The following RRP15 variants were observed in gnomAD, a reference collection of about 807,000 sequenced individuals.
RRP15 encodes the protein RRP15-like protein.
In RRP15, 18 loss-of-function variants were observed where a neutral mutation model predicts 27.1. The ratio of observed to expected loss-of-function variants is 0.66; its 90% confidence interval spans 0.46 to 0.98. The LOEUF is 0.98. RRP15 is among the 50% of genes least tolerant of loss of function. The pLI, the probability that RRP15 is intolerant of heterozygous loss-of-function variation, is 0.00. For synonymous variants in RRP15, 107 were observed against 109.4 expected (o/e 0.98, Z 0.14); for missense variants, 359 against 337.8 (o/e 1.06, Z -0.49).
At chr1:218,301,981 G>T in intron 1 of RRP15, 1 of 287,404 alleles carries the variant, frequency 3.5e-6, no homozygotes, top group South Asian at 9.2e-5. Flanking sequence ...CCAACTCCAT[G>T]CCAACATCTG....
chr1:218,291,413 C>A (rs1558200788), intron 1 of RRP15, among the ~76,000 whole-genome samples: 1 of 151,262 alleles, frequency 6.6e-6, no homozygotes, highest in Admixed American at 6.6e-5. Context: ...CCACTGCACT[C>A]CAGCCTGGCT....
At chr1:218,316,873 C>CA (rs1297320241) in intron 4 of RRP15, among the ~76,000 whole-genome samples, 1 of 152,032 alleles carries the variant, frequency 6.6e-6, no homozygotes, top group African/African-American at 2.4e-5. Flanking sequence ...TTGAATAATC[C>CA]AAAAACCTTC....
In RRP15 at chr1:218,331,009, G is replaced by C; in HGVS notation, c.767G>C (p.Gly256Ala). ...WTILRDDFMM[G>A]ASMKDWDKES... is the part of the protein sequence containing the mutation. ...ATCCTACGTGATGATTTCATGATGG[G>C]AGCATCTATGAAAGACTGGGACAAG... The change falls in exon 5 of 5, where the codon GGA becomes GCA. Residue 256 changes from glycine (G) to alanine (A), a missense_variant. By Grantham distance (60) the Gly-to-Ala change is moderately conservative. Transcript: ENST00000366932. 6.2e-7 allele frequency: 1 copy of C among 1,613,496 alleles called. No homozygotes were observed. Among genetic ancestry groups the C allele is most frequent in the Non-Finnish European group, 8.5e-7 (1 of 1,179,508 alleles).
rs2102495577 is a variant in RRP15 at position 218,298,203 on chromosome 1, TCTTA to T, written c.140-4087_140-4084del. Among the ~76,000 whole-genome samples, 3 of 152,258 alleles carry T rather than the reference TCTTA, an allele frequency of 2.0e-5. No homozygotes were observed. The South Asian group carries it at 6.2e-4, about 32-fold the overall frequency. On this transcript the variant is annotated intron_variant, in intron 1 of 4. Coordinates refer to ENST00000366932, the MANE Select transcript of RRP15 (RefSeq NM_016052.4). ...TGATCAACTGGCTTGGGTTATGGAA[TCTTA>T]CTTCCTTGGCTTCCTCCTTTCTTTT...
In RRP15 at chr1:218,332,165, T is replaced by C. The variant is rs1656382474; in HGVS notation, c.*1074T>C. On this transcript the variant is annotated 3_prime_UTR_variant, in exon 5 of 5. Coordinates refer to ENST00000366932, the MANE Select transcript of RRP15 (RefSeq NM_016052.4). ...CATGCTTTAGTCTCTCTCTTCTTTT[T>C]TTTCCTCCCAAATATTTGAGTTAGC... 3 of 152,152 alleles carry C rather than the reference T, an allele frequency of 2.0e-5. No homozygotes were observed. The highest frequency in any genetic ancestry group is 2.4e-5 in the African/African-American group (1 of 41,434). The allele number at this position is 152,152 out of a possible 1,614,324, so 9.4% of individuals were successfully genotyped here. A position where few individuals can be genotyped will look rare whatever the true frequency, so the allele number is the denominator to read the frequency against.
In RRP15 at chr1:218,335,466, A is replaced by C. The variant is rs1656434075; in HGVS notation, c.*4375A>C. 1 of 152,222 alleles carries C rather than the reference A, an allele frequency of 6.6e-6. No homozygotes were observed. Among genetic ancestry groups the C allele is most frequent in the Non-Finnish European group, 1.5e-5 (1 of 68,042 alleles). 9.4% of individuals were successfully genotyped at this position (152,222 alleles called of 1,614,324 possible). On this transcript the variant is annotated 3_prime_UTR_variant, in exon 5 of 5. Coordinates refer to ENST00000366932, the MANE Select transcript of RRP15 (RefSeq NM_016052.4). Reference sequence around the variant, plus strand: ...TAAAATTATAGGGACTAAAAGTCTAAATCATTGCTGTCAATAGGACTTTTT... The same window carrying C: ...TAAAATTATAGGGACTAAAAGTCTACATCATTGCTGTCAATAGGACTTTTT...
At chr1:218,324,489 G>A (rs978197177) in intron 4 of RRP15, among the ~76,000 whole-genome samples, 5 of 152,176 alleles carry the variant, frequency 3.3e-5, no homozygotes, top group African/African-American at 1.2e-4. Flanking sequence ...TTCCAGCGCC[G>A]CCACTGCTGC....
chr1:218,286,501 G>A (rs1655551067), intron 1 of RRP15, among the ~76,000 whole-genome samples: 1 of 152,100 alleles, frequency 6.6e-6, no homozygotes, highest in Non-Finnish European at 1.5e-5. Context: ...CCTATGTAAC[G>A]TACCACCACT....
intron 1 of RRP15, among the ~76,000 whole-genome samples, chr1:218,296,501 C>G (rs947382884): frequency 1.3e-5 from 2 of 151,946 alleles, no homozygotes; most frequent in South Asian, 4.2e-4. Context: ...AAAAAATTAG[C>G]TCAGCGTGGT....
chr1:218,319,744 T>C (rs1279127740), intron 4 of RRP15, among the ~76,000 whole-genome samples: 1 of 152,248 alleles, frequency 6.6e-6, no homozygotes, highest in Non-Finnish European at 1.5e-5. Context: ...AAAGCACTTT[T>C]ACATATGTTT....
chr1:218,308,431 C>T (rs566000879), intron 4 of RRP15, among the ~76,000 whole-genome samples: 3 of 151,716 alleles, frequency 2.0e-5, no homozygotes, highest in South Asian at 4.2e-4. Context: ...CTTTTATAAG[C>T]GGTGGGTTTC....
chr1:218,315,638 A>G (rs1248200693), intron 4 of RRP15, among the ~76,000 whole-genome samples: 1 of 150,068 alleles, frequency 6.7e-6, no homozygotes, highest in Non-Finnish European at 1.5e-5. Flanking sequence ...TTTTTAGTAG[A>G]GATGGGGTTT....
intron 4 of RRP15, among the ~76,000 whole-genome samples, chr1:218,322,744 G>A (rs1439848006): frequency 6.6e-6 from 1 of 152,038 alleles, no homozygotes; most frequent in Non-Finnish European, 1.5e-5. Flanking sequence ...AGGATCCTTG[G>A]GTGTCGCTTC....
chr1:218,318,292 T>A (rs1167797533), intron 4 of RRP15, among the ~76,000 whole-genome samples: 2 of 152,078 alleles, frequency 1.3e-5, no homozygotes, highest in African/African-American at 4.8e-5. Flanking sequence ...ACAATTAAAA[T>A]TTTTTTATAA....
rs114004956 is a variant in RRP15, at chr1:218,292,462, C to A, written c.139+7007C>A. ...TGGCACTAAATAGCTGTAGGAAGAA[C>A]ACCAGTTTACAATGAGAAAGTTAAA... On this transcript the variant is annotated intron_variant, in intron 1 of 4. Coordinates refer to ENST00000366932, the MANE Select transcript of RRP15 (RefSeq NM_016052.4). Among the ~76,000 whole-genome samples, 1,313 of 152,254 alleles carry A rather than the reference C, an allele frequency of 8.6e-3. 21 individuals are homozygous for A. The highest frequency in any genetic ancestry group is 0.029 in the African/African-American group (1,212 of 41,542).
intron 4 of RRP15, among the ~76,000 whole-genome samples, chr1:218,325,064 A>G (rs1156907404): frequency 1.3e-5 from 2 of 152,090 alleles, no homozygotes; most frequent in African/African-American, 2.4e-5. Flanking sequence ...TGAATTCCCT[A>G]TGTCTGGGTT....
At chr1:218,306,743 G>A (rs558678767) in intron 3 of RRP15, among the ~76,000 whole-genome samples, 35 of 152,108 alleles carry the variant, frequency 2.3e-4, no homozygotes, top group Non-Finnish European at 5.0e-4. Context: ...AATATAAAAT[G>A]AAAGAGGTGA....
chr1:218,285,374 C>T lies in RRP15; in HGVS notation c.58C>T (p.Pro20Ser). Reference sequence around the variant, plus strand: ...TGAGGAAGAAAACCTGAAAAAGACCCCAAAGAAGAAGATGAAAATGGTAAC... The same window carrying T: ...TGAGGAAGAAAACCTGAAAAAGACCTCAAAGAAGAAGATGAAAATGGTAAC... Reference protein sequence around the residue: ...VSEEENLKKTPKKKMKMVTGA... With the variant: ...VSEEENLKKTSKKKMKMVTGA... Residue 20 changes from proline to serine, a missense_variant, in exon 1 of 5, where the codon CCA becomes TCA. Coordinates refer to ENST00000366932, the MANE Select transcript of RRP15 (RefSeq NM_016052.4). 4 of 1,614,070 alleles carry T rather than the reference C, an allele frequency of 2.5e-6. No homozygotes were observed. Among genetic ancestry groups the T allele is most frequent in the South Asian group, 1.1e-5 (1 of 91,074 alleles).
intron 4 of RRP15, 24 bp from the exon 5 acceptor site, chr1:218,330,923 AT>A (rs1656355570): frequency 6.2e-7 from 1 of 1,602,790 alleles, no homozygotes; most frequent in African/African-American, 1.3e-5. Flanking sequence ...ACTTTTGAAT[AT>A]TTTGATTCTA....
Sources: gnomAD v4.1 joint callset for allele counts (sites outside exome capture counted in the v4.1 genomes callset) on GRCh38, gnomAD v4.1.1 for gene constraint, MANE v1.5 for transcripts, NCBI Gene and HGNC (gene_info 2026-07-23, HGNC 2026-07-21) for gene names.